The following SEMA3A variants were observed in gnomAD, a reference collection of about 807,000 sequenced individuals.
SEMA3A encodes the protein semaphorin-3A.
A neutral mutation model predicts 97.9 loss-of-function variants in SEMA3A; 29 were observed. The observed-to-expected ratio is 0.30, with a 90% CI of 0.22 to 0.40. The LOEUF (loss-of-function observed/expected upper bound fraction) is 0.40, where lower values mean the gene tolerates loss of function less well. Among genes scored for constraint, SEMA3A ranks in the 10% least tolerant of loss-of-function variants. The pLI is 1.00. For missense variants in SEMA3A, 763 were observed against 951.3 expected (o/e 0.80, Z 2.60); for synonymous variants, 321 against 323.7 (o/e 0.99, Z 0.09).
At chr7:84,309,936 C>G (rs1801271813) in intron 2 of SEMA3A, among the ~76,000 whole-genome samples, 1 of 152,072 alleles carries the variant, frequency 6.6e-6, no homozygotes, top group Non-Finnish European at 1.5e-5. Context: ...ATGCTTATAA[C>G]TATAAACCAA....
intron 12 of SEMA3A, among the ~76,000 whole-genome samples, chr7:83,991,625 T>C (rs28869310): frequency 0.29 from 43,554 of 151,922 alleles, 7,243 homozygotes; most frequent in East Asian, 0.63. Flanking sequence ...ATTACATTTA[T>C]TGATTTGCAT....
intron 1 of SEMA3A, among the ~76,000 whole-genome samples, chr7:84,479,933 G>T (rs1806398756): frequency 6.6e-6 from 1 of 152,174 alleles, no homozygotes; most frequent in Non-Finnish European, 1.5e-5. Flanking sequence ...CTAGGTTAGT[G>T]TATTAACTCT....
intron 1 of SEMA3A, among the ~76,000 whole-genome samples, chr7:84,176,262 CAATTAGTATA>C (rs1663514477): frequency 6.6e-6 from 1 of 151,936 alleles, no homozygotes; most frequent in South Asian, 2.1e-4. Flanking sequence ...GTGAAGGTCC[CAATTAGTATA>C]AATAGTAAGA....
Position 84,005,423 on chromosome 7 carries a change from C to G in SEMA3A, c.1276G>C (p.Asp426His). The G allele has an allele frequency of 6.2e-7, 1 of 1,613,650 alleles. No homozygotes were observed. Among genetic ancestry groups the G allele is most frequent in the South Asian group, 1.1e-5 (1 of 91,060 alleles). ...ATTTGTGTAAATTGATAATTTACAT[C>G]CGTTTTGATCACTATTGGGCGATTG... ...MNNRPIVIKT[D>H]VNYQFTQIVV... The change falls in exon 11 of 17, where the codon GAT (aspartate) becomes CAT (histidine). Residue 426 changes from aspartate to histidine, a missense_variant. Asp to His is a moderately conservative substitution (Grantham distance 81, BLOSUM62 -1). Around this residue, in one of 2 missense-constraint regions of SEMA3A, gnomAD observed 678 missense variants for 881.3 expected, o/e 0.77. Coordinates refer to ENST00000265362, the MANE Select transcript of SEMA3A (RefSeq NM_006080.3).
intron 2 of SEMA3A, among the ~76,000 whole-genome samples, chr7:84,353,745 T>C (rs779614035): frequency 2.0e-5 from 3 of 151,712 alleles, no homozygotes; most frequent in Non-Finnish European, 4.4e-5. Flanking sequence ...TTTTATTCCA[T>C]AGTATATTTT....
chr7:84,251,428 C>T (rs1584169510), intron 3 of SEMA3A, among the ~76,000 whole-genome samples: 1 of 152,120 alleles, frequency 6.6e-6, no homozygotes, highest in Non-Finnish European at 1.5e-5. Context: ...GAAGCCAGTA[C>T]ACATGGTCAG....
At chr7:84,079,870 T>G (rs1404705771) in intron 4 of SEMA3A, among the ~76,000 whole-genome samples, 1 of 144,174 alleles carries the variant, frequency 6.9e-6, no homozygotes, top group Admixed American at 6.9e-5. Flanking sequence ...CCCAAAGGAC[T>G]ATAAATTATG....
intron 4 of SEMA3A, among the ~76,000 whole-genome samples, chr7:84,105,519 T>G (rs2115918791): frequency 6.6e-6 from 1 of 152,322 alleles, no homozygotes; most frequent in Non-Finnish European, 1.5e-5. Flanking sequence ...CCTTTGGTTC[T>G]ATCATAAATC....
chr7:84,460,710 A>T (rs577322559), intron 1 of SEMA3A, among the ~76,000 whole-genome samples: 1 of 152,288 alleles, frequency 6.6e-6, no homozygotes, highest in Non-Finnish European at 1.5e-5. Flanking sequence ...CCAAAACTTT[A>T]TTATATGCTT....
intron 2 of SEMA3A, 77 bp downstream of exon 2, chr7:84,134,717 T>A (rs1796068724): frequency 8.6e-7 from 1 of 1,163,690 alleles, no homozygotes; most frequent in African/African-American, 1.6e-5. Flanking sequence ...GTAATCATGC[T>A]TTTAAATAGC....
rs527701233 is a variant in SEMA3A, at chr7:84,433,240, C to T, written c.-246+59220G>A. 1.2e-4 allele frequency among the ~76,000 whole-genome samples: 18 copies of T among 151,142 alleles called. No individual in the cohort carries two copies. In the South Asian group the frequency reaches 2.3e-3, roughly 19 times the overall value. ...ATCCCTCCCCTAGCCTCCCACCCCCCGACAGGCCCCAGTGTGTGATGTTCC... is the reference window on the plus strand; with the variant it reads ...ATCCCTCCCCTAGCCTCCCACCCCCTGACAGGCCCCAGTGTGTGATGTTCC... On this transcript the variant is annotated intron_variant, in intron 1 of 3. Coordinates refer to the SEMA3A transcript ENST00000424555.
chr7:84,078,171 T>C (rs965894683), intron 4 of SEMA3A, among the ~76,000 whole-genome samples: 2 of 152,046 alleles, frequency 1.3e-5, no homozygotes, highest in Non-Finnish European at 2.9e-5. Flanking sequence ...ATACAAGATA[T>C]GTATTACAAT....
At chr7:84,150,670 C>A (rs1241302768) in intron 1 of SEMA3A, among the ~76,000 whole-genome samples, 6 of 152,126 alleles carry the variant, frequency 3.9e-5, no homozygotes, top group Non-Finnish European at 8.8e-5. Context: ...GGGAGGGGCG[C>A]CCGCCATTGC....
chr7:84,153,263 C>T (rs1364588276), intron 1 of SEMA3A, among the ~76,000 whole-genome samples: 2 of 152,062 alleles, frequency 1.3e-5, no homozygotes, highest in East Asian at 3.9e-4. Flanking sequence ...TATCAACAGA[C>T]TTGAAATTAA....
intron 12 of SEMA3A, among the ~76,000 whole-genome samples, chr7:83,991,247 C>T (rs1401075612): frequency 5.3e-5 from 8 of 152,110 alleles, no homozygotes; most frequent in East Asian, 1.9e-4. Flanking sequence ...TCTAGATATA[C>T]GATCATGTCG....
intron 3 of SEMA3A, among the ~76,000 whole-genome samples, chr7:84,266,717 T>C (rs987743673): frequency 3.4e-4 from 52 of 152,012 alleles, no homozygotes; most frequent in Non-Finnish European, 6.6e-4. Flanking sequence ...AATGATGAAT[T>C]AGCTGAGGTT....
intron 1 of SEMA3A, among the ~76,000 whole-genome samples, chr7:84,381,362 A>C (rs561380747): frequency 6.6e-6 from 1 of 152,298 alleles, no homozygotes; most frequent in East Asian, 1.9e-4. Flanking sequence ...AACCTCATCC[A>C]TATAATAATA....
chr7:84,370,471 T>A (rs1802946520), intron 2 of SEMA3A, among the ~76,000 whole-genome samples: 1 of 151,666 alleles, frequency 6.6e-6, no homozygotes. Context: ...AAATCATGAA[T>A]AATTTATAAT....
At chr7:84,091,696 T>A (rs905435303) in intron 4 of SEMA3A, among the ~76,000 whole-genome samples, 3 of 152,190 alleles carry the variant, frequency 2.0e-5, no homozygotes, top group Admixed American at 1.3e-4. Context: ...TAGAGAAAAC[T>A]GTTTTAATTT....
Sources: allele counts gnomAD v4.1 joint callset (sites outside exome capture counted in the v4.1 genomes callset), GRCh38; gene constraint gnomAD v4.1.1; regional missense constraint gnomAD v4.1.1; transcripts MANE v1.5; gene names NCBI Gene and HGNC (gene_info 2026-07-23, HGNC 2026-07-21).